DCAF6: variants seen among roughly 807,000 people sequenced by gnomAD.
DCAF6 encodes the protein DDB1- and CUL4-associated factor 6.
DCAF6 carries 54 observed loss-of-function variants against 125.1 expected under a neutral mutation model. That is an observed-to-expected ratio of 0.43 (90% CI 0.35 to 0.54). The LOEUF is 0.54. Among genes scored for constraint, DCAF6 ranks in the 20% least tolerant of loss-of-function variants. The pLI is 0.01. For missense variants in DCAF6, 934 were observed against 1,161.7 expected, an observed-to-expected ratio of 0.80 and a Z score of 2.85; for synonymous variants, 371 against 390.4, an observed-to-expected ratio of 0.95 and a Z score of 0.58.
intron 12 of DCAF6, 108 bp downstream of exon 12, chr1:168,023,155 T>C: frequency 8.7e-7 from 1 of 1,156,068 alleles, no homozygotes; most frequent in East Asian, 2.5e-5. Flanking sequence ...ATTATGGTCT[T>C]ATAGTCAGTA....
chr1:167,869,512 C>A, the DCAF6 span, among the ~76,000 whole-genome samples: 1 of 152,126 alleles, frequency 6.6e-6, no homozygotes, highest in Non-Finnish European at 1.5e-5. Flanking sequence ...AGGCAGGTAG[C>A]CCGGCGCCTA....
At chr1:167,897,645 AC>A in the DCAF6 span, among the ~76,000 whole-genome samples, 3,012 of 3,012 alleles carry the variant, frequency 1, 1,506 homozygotes, top group Non-Finnish European at 1. Flanking sequence ...TGTCACGGTC[AC>A]TGCAAGACAA....
the DCAF6 span, among the ~76,000 whole-genome samples, chr1:167,893,695 CAAAAAAAAAAAAAA>C: frequency 1.4e-5 from 1 of 70,188 alleles, no homozygotes; most frequent in African/African-American, 5.0e-5. Context: ...GACTCTGTCT[CAAAAAAAAAAAAAA>C]AAAAAAAAAA....
At chr1:167,872,400 C>T in the DCAF6 span, among the ~76,000 whole-genome samples, 1 of 151,182 alleles carries the variant, frequency 6.6e-6, no homozygotes. Context: ...GCTGACTCTT[C>T]CAGCTCCCTG....
the DCAF6 span, among the ~76,000 whole-genome samples, chr1:167,930,170 C>T: frequency 2.0e-5 from 3 of 152,110 alleles, no homozygotes; most frequent in Non-Finnish European, 4.4e-5. Flanking sequence ...ATAGCTATCA[C>T]TAAAATAGTA....
intron 10 of DCAF6, among the ~76,000 whole-genome samples, chr1:168,008,883 C>G (rs1181493359): frequency 7.6e-6 from 1 of 131,508 alleles, no homozygotes; most frequent in Non-Finnish European, 1.6e-5. Context: ...TGCCCCCACC[C>G]CCTCCCCTCC....
intron 2 of DCAF6, among the ~76,000 whole-genome samples, chr1:167,965,468 C>G (rs944602141): frequency 2.0e-5 from 3 of 152,160 alleles, no homozygotes; most frequent in African/African-American, 7.2e-5. Context: ...TTAGAGTACT[C>G]TGGGATACCC....
At chr1:168,034,112 TCAA>T (rs955750520) in intron 12 of DCAF6, among the ~76,000 whole-genome samples, 6 of 152,242 alleles carry the variant, frequency 3.9e-5, no homozygotes, top group Non-Finnish European at 7.3e-5. Flanking sequence ...AGTAACAACA[TCAA>T]CAATTGATAT....
At chr1:167,936,648 A>G, upstream of DCAF6, 1 of 394,576 alleles carries the variant, frequency 2.5e-6, no homozygotes, top group Non-Finnish European at 4.6e-6. Flanking sequence ...CTCCTGTTGG[A>G]GGGGGGCTGA....
Position 168,004,027 on chromosome 1 carries a change from G to A in DCAF6, c.1117+38G>A, listed in dbSNP as rs750778714. On this transcript the variant is annotated intron_variant, in intron 9 of 21. Coordinates refer to ENST00000367840, the MANE Select transcript of DCAF6 (RefSeq NM_001198956.2). ...GTTAATTAAAGTCATCAGAAAGCTGGCAAAAACTACTTATTGAAGCCAGTT... is the reference window on the plus strand; with the variant it reads ...GTTAATTAAAGTCATCAGAAAGCTGACAAAAACTACTTATTGAAGCCAGTT... 3.1e-6 allele frequency: 5 copies of A among 1,594,942 alleles called. No homozygotes were observed. The South Asian group carries it at 4.5e-5, about 14-fold the overall frequency.
rs544735877 is a variant in DCAF6 at position 167,969,063 on chromosome 1, A to T, written c.252+2342A>T. On this transcript the variant is annotated intron_variant, in intron 3 of 21. Transcript: ENST00000367840. ...ATTTATATGTTGGTTTTTTTTTACC[A>T]TTCTGACCAAGTTATTTAAACTTTC... is the stretch of plus-strand genomic sequence containing the variant. 7 of 152,158 alleles carry T rather than the reference A, an allele frequency of 4.6e-5. No individual in the cohort carries two copies. The South Asian group carries it at 1.5e-3, about 32-fold the overall frequency. 9.4% of individuals were successfully genotyped at this position (152,158 alleles called of 1,614,324 possible).
chr1:167,878,697 C>T, the DCAF6 span: 3 of 1,518,598 alleles, frequency 2.0e-6, no homozygotes, highest in Non-Finnish European at 2.7e-6. Context: ...TGAATGTAAT[C>T]TGAAACATTG....
the DCAF6 span, chr1:167,901,830 C>A: frequency 1.2e-6 from 2 of 1,614,166 alleles, no homozygotes; most frequent in Admixed American, 3.3e-5. Context: ...ATGCCGCGGG[C>A]TTTTGACCTG....
At chr1:167,972,702 G>GA (rs1332804588) in intron 3 of DCAF6, among the ~76,000 whole-genome samples, 2 of 151,932 alleles carry the variant, frequency 1.3e-5, no homozygotes, top group Non-Finnish European at 2.9e-5. Flanking sequence ...AAAGAAAAAT[G>GA]AAAAAAGGTT....
chr1:167,888,123 T>C, the DCAF6 span, among the ~76,000 whole-genome samples: 1 of 152,240 alleles, frequency 6.6e-6, no homozygotes, highest in Non-Finnish European at 1.5e-5. Context: ...CTCTATTCTG[T>C]TCCACTGGTC....
the DCAF6 span, among the ~76,000 whole-genome samples, chr1:167,919,047 A>G: frequency 4.6e-5 from 7 of 152,234 alleles, no homozygotes; most frequent in Admixed American, 4.6e-4. Context: ...TAGAATTTTA[A>G]AATTTATACT....
chr1:167,935,873 G>A, upstream of DCAF6: 1 of 1,498,056 alleles, frequency 6.7e-7, no homozygotes, highest in Non-Finnish European at 9.1e-7. Flanking sequence ...AGCCGGGTGG[G>A]AGCGTGGCTG....
upstream of DCAF6, chr1:167,935,825 G>A: frequency 1.9e-6 from 3 of 1,552,516 alleles, no homozygotes; most frequent in Non-Finnish European, 2.6e-6. Flanking sequence ...CAGGCCTCGG[G>A]CACCGGCGGC....
intron 21 of DCAF6, among the ~76,000 whole-genome samples, chr1:168,071,162 G>C (rs2102015509): frequency 6.6e-6 from 1 of 152,334 alleles, no homozygotes; most frequent in Admixed American, 6.5e-5. Context: ...AGCAGCCAGA[G>C]GGATCCTTTC....
Sources: allele counts gnomAD v4.1 joint callset (sites outside exome capture counted in the v4.1 genomes callset), GRCh38; gene constraint gnomAD v4.1.1; transcripts MANE v1.5; gene names NCBI Gene and HGNC (gene_info 2026-07-23, HGNC 2026-07-21).